RABEP1: variants seen among roughly 807,000 people sequenced by gnomAD.
RABEP1 encodes rabaptin, RAB GTPase binding effector protein 1, also known as rab GTPase-binding effector protein 1.
Under a neutral mutation model 123.4 loss-of-function variants are expected in RABEP1, and 51 were observed. The observed-to-expected ratio is 0.41, with a 90% CI of 0.33 to 0.52. RABEP1 has a LOEUF of 0.52. Among genes scored for constraint, RABEP1 ranks in the 20% least tolerant of loss-of-function variants. RABEP1 has a pLI of 0.16. For synonymous variants in RABEP1, 347 were observed against 355.2 expected, an observed-to-expected ratio of 0.98 and a Z score of 0.26; for missense variants, 888 against 996.3, an observed-to-expected ratio of 0.89 and a Z score of 1.46.
In RABEP1 at chr17:5,361,286, A is replaced by C; in HGVS notation, c.1174A>C (p.Lys392Gln). The change falls in exon 9 of 18, where the codon AAA becomes CAA. Residue 392 changes from lysine to glutamine, a missense_variant. Physicochemically the swap from Lys to Gln is moderately conservative, Grantham distance 53 (BLOSUM62 1). Coordinates refer to ENST00000537505, the MANE Select transcript of RABEP1 (RefSeq NM_004703.6). ...LLLPSGDPFSKSDNDMFKDGL... is the reference protein window; with the variant it reads ...LLLPSGDPFSQSDNDMFKDGL... Reference sequence around the variant, plus strand: ...GTTGCCATCTGGAGATCCTTTCAGTAAATCGGACAATGACATGTTTAAAGA... The same window carrying C: ...GTTGCCATCTGGAGATCCTTTCAGTCAATCGGACAATGACATGTTTAAAGA... 6.2e-6 allele frequency: 10 copies of C among 1,614,162 alleles called. No homozygotes were observed. The highest frequency in any genetic ancestry group is 8.5e-6 in the Non-Finnish European group (10 of 1,180,020).
chr17:5,370,875 G>T (rs541517533), intron 12 of RABEP1, among the ~76,000 whole-genome samples: 2 of 151,858 alleles, frequency 1.3e-5, no homozygotes, highest in African/African-American at 4.8e-5. Flanking sequence ...TCAGATAAGG[G>T]TTTACAGTTT....
chr17:5,306,241 G>A (rs1222738515), intron 1 of RABEP1, among the ~76,000 whole-genome samples: 1 of 152,154 alleles, frequency 6.6e-6, no homozygotes, highest in Non-Finnish European at 1.5e-5. Flanking sequence ...GACAAAGGCT[G>A]GCATACTTAC....
At chr17:5,317,965 G>A (rs1022207288) in intron 2 of RABEP1, among the ~76,000 whole-genome samples, 4 of 152,188 alleles carry the variant, frequency 2.6e-5, no homozygotes, top group Non-Finnish European at 4.4e-5. Flanking sequence ...GTGAAGGTTC[G>A]TGGTGGGTGG....
intron 5 of RABEP1, among the ~76,000 whole-genome samples, chr17:5,344,874 T>G (rs1468376059): frequency 6.6e-6 from 1 of 151,580 alleles, no homozygotes; most frequent in Non-Finnish European, 1.5e-5. Flanking sequence ...TAAGAATTGC[T>G]TGAACCCAGG....
chr17:5,310,984 A>G (rs994071229), intron 2 of RABEP1, among the ~76,000 whole-genome samples: 2 of 151,306 alleles, frequency 1.3e-5, no homozygotes, highest in South Asian at 2.1e-4. Context: ...TAATTTTTGT[A>G]TTTCTAGTAG....
intron 2 of RABEP1, among the ~76,000 whole-genome samples, chr17:5,316,816 G>C (rs2144550581): frequency 1.0e-5 from 1 of 97,060 alleles, no homozygotes; most frequent in African/African-American, 4.2e-5. Context: ...CTCGGTGACA[G>C]AGCAAGACTC....
Position 5,384,883 on chromosome 17 carries a change from C to T in RABEP1, c.*1660C>T, listed in dbSNP as rs1058383. 97,148 of 220,536 alleles carry T rather than the reference C, an allele frequency of 0.44. 23,106 individuals carry two copies. Among genetic ancestry groups the T allele is most frequent in the East Asian group, 0.84 (12,398 of 14,824 alleles). The allele number at this position is 220,536 out of a possible 1,614,324, so 13.7% of individuals were successfully genotyped here. A position where few individuals can be genotyped will look rare whatever the true frequency, so the allele number is the denominator to read the frequency against. ...TATAAAATGCAATCAATTTAAATTA[C>T]GTAGGTTTAAGACTAGTCCCTTGGA... is the stretch of plus-strand genomic sequence containing the variant. On this transcript the variant is annotated 3_prime_UTR_variant, in exon 18 of 18. Transcript: ENST00000537505.
rs200718785 is a variant in RABEP1 at position 5,335,301 on chromosome 17, C to G, written c.485C>G (p.Ser162Cys). The G allele has an allele frequency of 1.2e-5, 19 of 1,613,266 alleles. No homozygotes were observed. Among genetic ancestry groups the G allele is most frequent in the Non-Finnish European group, 1.4e-5 (17 of 1,179,774 alleles). ...REIADLRRRL[S>C]EGQEEENLEN... ...ATAGCTGATTTAAGAAGAAGGCTGTCTGAAGGTCAAGAGGAGGAAAATTTA... is the reference window on the plus strand; with the variant it reads ...ATAGCTGATTTAAGAAGAAGGCTGTGTGAAGGTCAAGAGGAGGAAAATTTA... The change falls in exon 4 of 18, where the codon TCT becomes TGT. Residue 162 changes from serine to cysteine, a missense_variant. Ser to Cys is a moderately radical substitution (Grantham distance 112). Transcript: ENST00000537505.
chr17:5,348,171 G>A (rs1305668834), intron 6 of RABEP1, among the ~76,000 whole-genome samples: 1 of 152,034 alleles, frequency 6.6e-6, no homozygotes, highest in Non-Finnish European at 1.5e-5. Flanking sequence ...GAGATGGGGT[G>A]TTTCTCCGTG....
chr17:5,307,957 C>A (rs1317561118), intron 1 of RABEP1, among the ~76,000 whole-genome samples: 1 of 152,066 alleles, frequency 6.6e-6, no homozygotes, highest in Non-Finnish European at 1.5e-5. Flanking sequence ...TCTGGTATGG[C>A]TACACTAGTT....
chr17:5,375,112 T>TTC (rs199800328), intron 13 of RABEP1, among the ~76,000 whole-genome samples: 2,759 of 151,754 alleles, frequency 0.018, 73 homozygotes, highest in African/African-American at 0.063. Flanking sequence ...TTTTTTTTTT[T>TTC]TTTTCCTTTT....
chr17:5,374,630 A>T (rs757326566), intron 13 of RABEP1, among the ~76,000 whole-genome samples: 1 of 146,708 alleles, frequency 6.8e-6, no homozygotes, highest in Non-Finnish European at 1.5e-5. Context: ...TATTTTTTTT[A>T]TTATTTTTTA....
At chr17:5,309,021 T>C (rs992800923) in intron 2 of RABEP1, among the ~76,000 whole-genome samples, 199 bp downstream of exon 2, 1 of 152,196 alleles carries the variant, frequency 6.6e-6, no homozygotes, top group Non-Finnish European at 1.5e-5. Context: ...GATTTTGCCT[T>C]GTTTTTTGAT....
intron 1 of RABEP1, among the ~76,000 whole-genome samples, chr17:5,294,257 G>T (rs889828521): frequency 6.6e-6 from 1 of 152,062 alleles, no homozygotes; most frequent in Admixed American, 6.6e-5. Flanking sequence ...GGTGACACGC[G>T]TTTGTAATCC....
chr17:5,336,532 G>C (rs952976325), intron 4 of RABEP1: 1 of 467,606 alleles, frequency 2.1e-6, no homozygotes, highest in Non-Finnish European at 4.2e-6. Flanking sequence ...TGTCTCCTTA[G>C]ATGCCTCTTG....
At chr17:5,374,768 T>G (rs187531134) in intron 13 of RABEP1, among the ~76,000 whole-genome samples, 81 of 152,276 alleles carry the variant, frequency 5.3e-4, no homozygotes, top group Admixed American at 7.2e-4. Flanking sequence ...GCTTCCTGAG[T>G]ACTGGGACAA....
rs941945856 is a variant in RABEP1, at chr17:5,361,145, A to G, written c.1096-63A>G. The G allele has an allele frequency of 3.6e-6, 5 of 1,371,062 alleles. No individual in the cohort carries two copies. In the Admixed American group the frequency reaches 8.1e-5, roughly 22 times the overall value. The allele number at this position is 1,371,062 out of a possible 1,614,324, so 84.9% of individuals were successfully genotyped here. A position where few individuals can be genotyped will look rare whatever the true frequency, so the allele number is the denominator to read the frequency against. The stretch of plus-strand genomic sequence containing the variant: ...ATGAGTGGCGGAATACATTTATTAT[A>G]GTTTTTGTCTTTAAAAACGCAGAGA... On this transcript the variant is annotated intron_variant, in intron 8 of 17. Coordinates refer to ENST00000537505, the MANE Select transcript of RABEP1 (RefSeq NM_004703.6).
At chr17:5,376,524 AG>A (rs1375065054) in intron 13 of RABEP1, among the ~76,000 whole-genome samples, 3 of 152,120 alleles carry the variant, frequency 2.0e-5, no homozygotes, top group Non-Finnish European at 2.9e-5. Flanking sequence ...AAAAGAAGAC[AG>A]AACTAAAATT....
At chr17:5,365,074 A>AT in intron 10 of RABEP1, 48 bp from the exon 11 acceptor site, 3 of 1,238,084 alleles carry the variant, frequency 2.4e-6, no homozygotes, top group Non-Finnish European at 3.4e-6. Flanking sequence ...AAAAAAAAAA[A>AT]TTATAAAAGG....
Sources: allele counts gnomAD v4.1 joint callset (sites outside exome capture counted in the v4.1 genomes callset), GRCh38; gene constraint gnomAD v4.1.1; transcripts MANE v1.5; gene names NCBI Gene and HGNC (gene_info 2026-07-23, HGNC 2026-07-21).